MTAP: variants seen among roughly 807,000 people sequenced by gnomAD.
MTAP encodes methylthioadenosine phosphorylase.
A neutral mutation model predicts 33.6 loss-of-function variants in MTAP; 33 were observed. The observed-to-expected ratio is 0.98, with a 90% confidence interval of 0.74 to 1.31. The LOEUF is 1.31. Ranked by LOEUF, MTAP falls within the 40% of genes most tolerant of loss-of-function variation. The pLI is 0.00. For synonymous variants in MTAP, 148 were observed against 125.7 expected (o/e 1.18, Z -1.19); for missense variants, 367 against 360.0 (o/e 1.02, Z -0.16).
chr9:21,847,842 G>T (rs1306463901), intron 5 of MTAP, among the ~76,000 whole-genome samples: 4 of 152,226 alleles, frequency 2.6e-5, no homozygotes, highest in Non-Finnish European at 5.9e-5. Context: ...CTCTTATCAT[G>T]TGAGTGGCTG....
At chr9:21,898,477 T>C (rs1226306379) in intron 1 of MTAP, among the ~76,000 whole-genome samples, 2 of 152,208 alleles carry the variant, frequency 1.3e-5, no homozygotes, top group Admixed American at 6.5e-5. Context: ...TTTTACAATC[T>C]ACCCATTTGA....
chr9:21,926,864 C>T (rs867599243), intron 1 of MTAP, among the ~76,000 whole-genome samples: 1 of 152,170 alleles, frequency 6.6e-6, no homozygotes, highest in Non-Finnish European at 1.5e-5. Context: ...CCTGATCCCA[C>T]AGAGAACATA....
intron 1 of MTAP, among the ~76,000 whole-genome samples, chr9:21,896,457 T>G (rs1818294262): frequency 6.6e-6 from 1 of 152,056 alleles, no homozygotes; most frequent in Non-Finnish European, 1.5e-5. Context: ...AGCTGGTTTT[T>G]TGAAAAGATC....
intron 1 of MTAP, among the ~76,000 whole-genome samples, chr9:21,915,893 A>C (rs112945443): frequency 0.022 from 3,417 of 152,030 alleles, 136 homozygotes; most frequent in African/African-American, 0.075. Context: ...AAATTAGCCA[A>C]GTATGATGAT....
Position 21,854,826 on chromosome 9 carries a change from G to A in MTAP, c.646G>A (p.Ala216Thr), listed in dbSNP as rs202130608. 1.7e-5 allele frequency: 27 copies of A among 1,614,076 alleles called. No homozygotes were observed. The Admixed American group carries it at 2.7e-4, about 16-fold the overall frequency. The part of the protein sequence containing the change: ...KEAGICYASI[A>T]MATDYDCWKE... ...GGCTGGAATTTGTTACGCAAGTATC[G>A]CCATGGCGACAGATTATGACTGCTG... is the stretch of plus-strand genomic sequence containing the variant. Residue 216 changes from alanine (A) to threonine (T), a missense_variant, in exon 6 of 8, where the codon GCC becomes ACC. Coordinates refer to ENST00000644715, the MANE Select transcript of MTAP (RefSeq NM_002451.4).
chr9:21,923,352 G>C (rs1036629899), intron 1 of MTAP, among the ~76,000 whole-genome samples: 1 of 152,140 alleles, frequency 6.6e-6, no homozygotes, highest in African/African-American at 2.4e-5. Context: ...GTTCTTTAAG[G>C]ATCTCACCTA....
chr9:21,867,229 G>A (rs894690648), downstream of MTAP, among the ~76,000 whole-genome samples: 7 of 152,100 alleles, frequency 4.6e-5, no homozygotes, highest in African/African-American at 7.2e-5. Flanking sequence ...GAATAGAAGC[G>A]GTGTGTGAGT....
chr9:21,873,064 C>A (rs1238573964), intron 1 of MTAP, among the ~76,000 whole-genome samples: 1 of 152,090 alleles, frequency 6.6e-6, no homozygotes, highest in Admixed American at 6.6e-5. Context: ...CTAATTCATG[C>A]CCCCTTATTA....
chr9:21,929,566 C>A, intron 1 of MTAP: 1 of 363,124 alleles, frequency 2.8e-6, no homozygotes, highest in Non-Finnish European at 5.8e-6. Context: ...CACAGGATCC[C>A]CTTACTCCAC....
intron 2 of MTAP, among the ~76,000 whole-genome samples, 169 bp from the exon 3 acceptor site, chr9:21,816,545 C>T (rs1024448892): frequency 2.2e-4 from 34 of 152,162 alleles, no homozygotes; most frequent in African/African-American, 8.2e-4. Context: ...GCAGAGGGAT[C>T]AATAAGTAAT....
rs952816001 is a variant in MTAP at position 21,922,661 on chromosome 9, C to T, written c.148-8347C>T. On this transcript the variant is annotated intron_variant, in intron 1 of 1. Transcript: ENST00000577563. The surrounding 1 kb of genome is among the most constrained non-coding windows in gnomAD (Gnocchi z 4.8). Reference sequence around the variant, plus strand: ...AATCTCTATGCCTCTCCTTCTTTGGCTGGAGAAGAAGGAGATCTGTACACA... The same window carrying T: ...AATCTCTATGCCTCTCCTTCTTTGGTTGGAGAAGAAGGAGATCTGTACACA... Among the ~76,000 whole-genome samples the T allele has an allele frequency of 6.6e-6, 1 of 152,140 alleles. No homozygotes were observed. Among genetic ancestry groups the T allele is most frequent in the African/African-American group, 2.4e-5 (1 of 41,450 alleles).
chr9:21,815,463 G>A lies in MTAP; in HGVS notation c.64G>A (p.Asp22Asn). ...AATAATTGGTGGAACAGGCCTGGAT[G>A]ATCCAGAAATTTTAGAAGGAAGAAC... The part of the protein sequence containing the change: ...IGIIGGTGLD[D>N]PEILEGRTEK... Residue 22 changes from aspartate to asparagine, a missense_variant, in exon 2 of 8, where the codon GAT becomes AAT. Transcript: ENST00000644715. The A allele has an allele frequency of 6.2e-7, 1 of 1,611,474 alleles. No homozygotes were observed. The highest frequency in any genetic ancestry group is 1.1e-5 in the South Asian group (1 of 90,474).
At position 21,922,481 on chromosome 9, in the gene MTAP, A is replaced by T. The variant is rs190309690; in HGVS notation, c.148-8527A>T. Among the ~76,000 whole-genome samples, 1 of 152,234 alleles carries T rather than the reference A, an allele frequency of 6.6e-6. No homozygotes were observed. Among genetic ancestry groups the T allele is most frequent in the African/African-American group, 2.4e-5 (1 of 41,556 alleles). On this transcript the variant is annotated intron_variant, in intron 1 of 1. Transcript: ENST00000577563. This position sits in a 1 kb window ranked among gnomAD's most constrained non-coding sequence, Gnocchi z 4.8. ...TTTAATAAACTCTTACTTCTGCTCAAAAACTTGCCTTGGTCTCTCACTCTC... is the reference window on the plus strand; with the variant it reads ...TTTAATAAACTCTTACTTCTGCTCATAAACTTGCCTTGGTCTCTCACTCTC...
intron 1 of MTAP, chr9:21,803,012 A>ACT (rs1824099843): frequency 9.2e-7 from 1 of 1,085,270 alleles, no homozygotes; most frequent in Non-Finnish European, 1.2e-6. Flanking sequence ...ACACACACAC[A>ACT]CACACACACA....
At chr9:21,871,353 G>T (rs1484393830), downstream of MTAP, among the ~76,000 whole-genome samples, 1 of 152,120 alleles carries the variant, frequency 6.6e-6, no homozygotes, top group East Asian at 1.9e-4. Context: ...CTGGCCTTTT[G>T]TAAGTTGTCC....
At chr9:21,890,732 A>G (rs1207105663) in intron 1 of MTAP, among the ~76,000 whole-genome samples, 3 of 152,142 alleles carry the variant, frequency 2.0e-5, no homozygotes, top group African/African-American at 4.8e-5. Flanking sequence ...CAGGTTCCCC[A>G]GTGAGGATGT....
At chr9:21,835,797 A>G (rs1478738897) in intron 4 of MTAP, among the ~76,000 whole-genome samples, 1 of 152,200 alleles carries the variant, frequency 6.6e-6, no homozygotes, top group Non-Finnish European at 1.5e-5. Flanking sequence ...ACATCCTGTT[A>G]TGCTGTGCAG....
intron 4 of MTAP, among the ~76,000 whole-genome samples, chr9:21,829,417 G>GC (rs1245937358): frequency 6.9e-6 from 1 of 145,074 alleles, no homozygotes; most frequent in Admixed American, 6.8e-5. Flanking sequence ...TTCTTTTGTT[G>GC]TTTTTTTTTT....
intron 5 of MTAP, among the ~76,000 whole-genome samples, chr9:21,844,847 C>T (rs147972467): frequency 0.032 from 4,848 of 152,016 alleles, 117 homozygotes; most frequent in Non-Finnish European, 0.045. Flanking sequence ...CTGGCTAACA[C>T]GGTGAAACCC....
Sources: gnomAD v4.1 joint callset for allele counts (sites outside exome capture counted in the v4.1 genomes callset) on GRCh38, gnomAD v4.1.1 for gene constraint, Gnocchi (gnomAD v3.1) non-coding constraint, MANE v1.5 for transcripts, NCBI Gene and HGNC (gene_info 2026-07-23, HGNC 2026-07-21) for gene names.